Variants in KCNIP4 observed in about 807,000 individuals in gnomAD.
KCNIP4 encodes potassium voltage-gated channel interacting protein 4.
In KCNIP4, 12 loss-of-function variants were observed where a neutral mutation model predicts 34.0. That is an observed-to-expected ratio of 0.35 (90% CI 0.23 to 0.57). KCNIP4 has a LOEUF of 0.57. Ranked by LOEUF, KCNIP4 falls within the 20% of genes least tolerant of loss-of-function variation. KCNIP4 has a pLI of 0.83. For synonymous variants in KCNIP4, 124 were observed against 102.2 expected, an observed-to-expected ratio of 1.21 and a Z score of -1.29; for missense variants, 238 against 311.7, an observed-to-expected ratio of 0.76 and a Z score of 1.78.
At chr4:21,528,235 G>C (rs1736142694) in intron 1 of KCNIP4, among the ~76,000 whole-genome samples, 1 of 152,044 alleles carries the variant, frequency 6.6e-6, no homozygotes, top group Non-Finnish European at 1.5e-5. Flanking sequence ...ACTTCATTTA[G>C]AGACTCACCT....
intron 1 of KCNIP4, among the ~76,000 whole-genome samples, chr4:21,438,426 T>A (rs564684124): frequency 6.6e-6 from 1 of 152,218 alleles, no homozygotes; most frequent in Non-Finnish European, 1.5e-5. Context: ...AAGTCTAGAA[T>A]AAGAAATACA....
At chr4:21,746,314 A>G (rs2109137157) in intron 1 of KCNIP4, among the ~76,000 whole-genome samples, 1 of 152,308 alleles carries the variant, frequency 6.6e-6, no homozygotes, top group African/African-American at 2.4e-5. Flanking sequence ...CAAAACAGAA[A>G]TGTCTGAAAC....
rs114001789 is a variant in KCNIP4 at position 21,578,440 on chromosome 4, C to G, written c.61+370131G>C. ...TTCTAAAGCCCAGTTTTTATATGCTCAGGTAAATATTTGCTTGTTTCCAGA... is the reference window on the plus strand; with the variant it reads ...TTCTAAAGCCCAGTTTTTATATGCTGAGGTAAATATTTGCTTGTTTCCAGA... On this transcript the variant is annotated intron_variant, in intron 1 of 8. Coordinates refer to ENST00000382152, the MANE Select transcript of KCNIP4 (RefSeq NM_025221.6). Among the ~76,000 whole-genome samples, 1,029 of 150,748 alleles carry G rather than the reference C, an allele frequency of 6.8e-3. 17 individuals carry two copies. Among genetic ancestry groups the G allele is most frequent in the African/African-American group, 0.024 (969 of 40,990 alleles).
In KCNIP4 at chr4:20,912,483, A is replaced by G. The variant is rs1008389230; in HGVS notation, c.62-29774T>C. ...GTAACATAACAACTAGGTTTTTTAT[A>G]TATAACAACTAAAGCGTAAGTAAGC... On this transcript the variant is annotated intron_variant, in intron 1 of 8. Coordinates refer to ENST00000382152, the MANE Select transcript of KCNIP4 (RefSeq NM_025221.6). Among the ~76,000 whole-genome samples the G allele has an allele frequency of 3.8e-4, 58 of 152,156 alleles. 1 individual carries two copies. The highest frequency in any genetic ancestry group is 1.5e-5 in the Non-Finnish European group (1 of 67,994).
intron 1 of KCNIP4, among the ~76,000 whole-genome samples, chr4:21,323,741 C>G (rs1714741007): frequency 6.6e-6 from 1 of 152,002 alleles, no homozygotes; most frequent in Non-Finnish European, 1.5e-5. Context: ...GCAGATATCT[C>G]TTTGATATAC....
intron 1 of KCNIP4, among the ~76,000 whole-genome samples, chr4:21,504,129 T>C (rs919297082): frequency 2.0e-5 from 3 of 152,022 alleles, no homozygotes; most frequent in African/African-American, 7.2e-5. Context: ...TCATCATATA[T>C]TGCACGTCTG....
At chr4:20,902,242 G>C (rs542763232) in intron 1 of KCNIP4, among the ~76,000 whole-genome samples, 119 of 152,240 alleles carry the variant, frequency 7.8e-4, no homozygotes, top group Non-Finnish European at 1.4e-3. Flanking sequence ...TGGAACAACT[G>C]AAAAGAAGCT....
chr4:21,610,879 T>C (rs989155784), intron 1 of KCNIP4, among the ~76,000 whole-genome samples: 1 of 152,108 alleles, frequency 6.6e-6, no homozygotes, highest in African/African-American at 2.4e-5. Context: ...GCAGGTTTGC[T>C]ACATAGGTAT....
chr4:21,059,879 G>A (rs1008693532), intron 1 of KCNIP4, among the ~76,000 whole-genome samples: 5 of 152,010 alleles, frequency 3.3e-5, no homozygotes, highest in African/African-American at 1.2e-4. Context: ...GTGGGGTGAA[G>A]CGTTGACTGA....
intron 5 of KCNIP4, among the ~76,000 whole-genome samples, chr4:20,742,288 C>T (rs900747716): frequency 1.3e-5 from 2 of 152,168 alleles, no homozygotes; most frequent in African/African-American, 4.8e-5. Flanking sequence ...AGACCAATAT[C>T]CCTGCTGAAC....
rs950467676 is a variant in KCNIP4 at position 21,668,928 on chromosome 4, G to A, written c.61+279643C>T. Reference sequence around the variant, plus strand: ...TTTCAATAAAAGTTATACCAAATGCGCCTGCCTCTCCCGTCTCTCCTTCTA... The same window carrying A: ...TTTCAATAAAAGTTATACCAAATGCACCTGCCTCTCCCGTCTCTCCTTCTA... On this transcript the variant is annotated intron_variant, in intron 1 of 8. Transcript: ENST00000382152. Among the ~76,000 whole-genome samples, 40 of 151,950 alleles carry A rather than the reference G, an allele frequency of 2.6e-4. 1 individual carries two copies. The highest frequency in any genetic ancestry group is 8.2e-4 in the African/African-American group (34 of 41,396).
chr4:21,638,129 T>C (rs759909779), intron 1 of KCNIP4, among the ~76,000 whole-genome samples: 1 of 152,216 alleles, frequency 6.6e-6, no homozygotes, highest in African/African-American at 2.4e-5. Context: ...TTTACTTCAA[T>C]TGCTGAAGGA....
intron 1 of KCNIP4, among the ~76,000 whole-genome samples, chr4:21,801,219 T>C (rs1560724695): frequency 6.6e-6 from 1 of 152,172 alleles, no homozygotes; most frequent in Non-Finnish European, 1.5e-5. Context: ...TAGAAGGTAT[T>C]TGACACGTAA....
intron 1 of KCNIP4, among the ~76,000 whole-genome samples, chr4:21,942,697 T>C (rs1469224436): frequency 1.3e-5 from 2 of 152,258 alleles, no homozygotes; most frequent in Non-Finnish European, 2.9e-5. Context: ...GGGTCTACCA[T>C]GGGACAACGT....
At chr4:21,445,206 A>C (rs1384225359) in intron 1 of KCNIP4, among the ~76,000 whole-genome samples, 2 of 152,200 alleles carry the variant, frequency 1.3e-5, no homozygotes, top group African/African-American at 2.4e-5. Context: ...TGCCCAAGGT[A>C]ATTTATAGAT....
intron 1 of KCNIP4, among the ~76,000 whole-genome samples, chr4:21,707,762 G>T (rs2109071669): frequency 6.6e-6 from 1 of 152,168 alleles, no homozygotes; most frequent in African/African-American, 2.4e-5. Flanking sequence ...TTTGGATTCT[G>T]TGTCAGCATC....
At chr4:21,828,850 T>G (rs943941806) in intron 1 of KCNIP4, among the ~76,000 whole-genome samples, 1 of 151,872 alleles carries the variant, frequency 6.6e-6, no homozygotes, top group Admixed American at 6.6e-5. Context: ...TCTAAAATAA[T>G]AACAAATATT....
intron 1 of KCNIP4, among the ~76,000 whole-genome samples, chr4:21,720,356 G>A (rs938000773): frequency 3.2e-4 from 49 of 152,024 alleles, no homozygotes; most frequent in Non-Finnish European, 5.4e-4. Context: ...AAGACAAGTG[G>A]AGCCTCAGAG....
At chr4:21,518,959 G>A (rs1735016550) in intron 1 of KCNIP4, among the ~76,000 whole-genome samples, 1 of 152,044 alleles carries the variant, frequency 6.6e-6, no homozygotes, top group Non-Finnish European at 1.5e-5. Context: ...TTGATTTAGT[G>A]AATCCTCCCA....
Sources: gnomAD v4.1 joint callset for allele counts (sites outside exome capture counted in the v4.1 genomes callset) on GRCh38, gnomAD v4.1.1 for gene constraint, MANE v1.5 for transcripts, NCBI Gene and HGNC (gene_info 2026-07-23, HGNC 2026-07-21) for gene names.